FKBP15: variants seen among roughly 807,000 people sequenced by gnomAD.
The protein encoded by FKBP15 is FK506-binding protein 15.
FKBP15 carries 106 observed loss-of-function variants against 158.1 expected under a neutral mutation model. The ratio of observed to expected loss-of-function variants is 0.67; its 90% CI spans 0.57 to 0.79. FKBP15 has a LOEUF of 0.79. Ranked by LOEUF, FKBP15 falls within the 30% of genes least tolerant of loss-of-function variation. FKBP15 has a pLI of 0.00. For synonymous variants in FKBP15, 547 were observed against 548.6 expected (o/e 1.00, Z 0.04); for missense variants, 1,287 against 1,479.1 (o/e 0.87, Z 2.13).
intron 15 of FKBP15, among the ~76,000 whole-genome samples, chr9:113,185,057 T>C (rs934627693): frequency 1.3e-5 from 2 of 152,216 alleles, no homozygotes; most frequent in Admixed American, 1.3e-4. Context: ...AGGGCACAAA[T>C]ATGCCCACTT....
At chr9:113,170,438 AT>A in intron 25 of FKBP15, 83 bp downstream of exon 25, 2 of 1,043,390 alleles carry the variant, frequency 1.9e-6, no homozygotes, top group Non-Finnish European at 3.0e-6. Flanking sequence ...GCTTTGAACA[AT>A]TTTTTATTCA....
At position 113,198,242 on chromosome 9, in the gene FKBP15, AACTGTCTCACTTTTTCC is replaced by A. The variant is rs1266438836; in HGVS notation, c.717+596_717+612del. ...CCCTTTATGATAAGTTTCGAGAAGA[AACTGTCTCACTTTTTCC>A]CCTGTTAGGCTATAGGAAGGATGAA... On this transcript the variant is annotated intron_variant, in intron 8 of 27. Coordinates refer to ENST00000238256, the MANE Select transcript of FKBP15 (RefSeq NM_015258.2). The surrounding 1 kb of genome is among the most constrained non-coding windows in gnomAD (Gnocchi z 5.2). Among the ~76,000 whole-genome samples, 1 of 152,198 alleles carries A rather than the reference AACTGTCTCACTTTTTCC, an allele frequency of 6.6e-6. No individual in the cohort carries two copies. Among genetic ancestry groups the A allele is most frequent in the East Asian group, 1.9e-4 (1 of 5,198 alleles).
chr9:113,187,680 A>G, intron 14 of FKBP15, 113 bp downstream of exon 14: 1 of 852,034 alleles, frequency 1.2e-6, no homozygotes, highest in Non-Finnish European at 1.9e-6. Context: ...AAAAAATTAC[A>G]AACTCTGACT....
At chr9:113,202,468 TA>T in intron 6 of FKBP15, 62 bp downstream of exon 6, 1 of 1,287,810 alleles carries the variant, frequency 7.8e-7, no homozygotes, top group Non-Finnish European at 1.1e-6. Flanking sequence ...TATGTTTCCC[TA>T]AAATTAAGGG....
chr9:113,162,867 G>T lies in FKBP15; in HGVS notation c.*3211C>A. ...CTGGATTTTCCTTGGTGTGGTCTTG[G>T]GCTCTGCTGTGGGCTACTACCTAGC... is the stretch of plus-strand genomic sequence containing the variant. On this transcript the variant is annotated 3_prime_UTR_variant, in exon 28 of 28. Transcript: ENST00000238256. The T allele has an allele frequency of 6.2e-7, 1 of 1,613,358 alleles. No individual in the cohort carries two copies.
At chr9:113,192,384 T>G (rs1830589949) in intron 11 of FKBP15, among the ~76,000 whole-genome samples, 1 of 152,194 alleles carries the variant, frequency 6.6e-6, no homozygotes, top group African/African-American at 2.4e-5. Flanking sequence ...CCACAGGGCT[T>G]TAGAATTTGA....
In FKBP15 at chr9:113,162,544, G is replaced by A; in HGVS notation, c.*3534C>T. Reference sequence around the variant, plus strand: ...GAAGCTTGAAACCAAATGTAGTGAAGATATGTCTCTTTAAAAATAAATCTC... The same window carrying A: ...GAAGCTTGAAACCAAATGTAGTGAAAATATGTCTCTTTAAAAATAAATCTC... On this transcript the variant is annotated 3_prime_UTR_variant, in exon 28 of 28. Transcript: ENST00000238256. The A allele has an allele frequency of 2.3e-6, 1 of 433,942 alleles. No individual in the cohort carries two copies. The highest frequency in any genetic ancestry group is 3.9e-6 in the Non-Finnish European group (1 of 256,568). 26.9% of individuals were successfully genotyped at this position (433,942 alleles called of 1,614,324 possible). A position where few individuals can be genotyped will look rare whatever the true frequency, so the allele number is the denominator to read the frequency against.
chr9:113,173,312 A>G, intron 23 of FKBP15, 141 bp downstream of exon 23: 1 of 811,430 alleles, frequency 1.2e-6, no homozygotes, highest in Non-Finnish European at 1.8e-6. Context: ...GTGAAAGATA[A>G]CTGACAAGCT....
At chr9:113,186,448 G>A (rs1007192929) in intron 14 of FKBP15, 85 bp from the exon 15 acceptor site, 2 of 995,552 alleles carry the variant, frequency 2.0e-6, no homozygotes, top group African/African-American at 3.2e-5. Context: ...GGAATAAAGT[G>A]GATGAGCTGG....
Position 113,184,248 on chromosome 9 carries a change from G to T in FKBP15, c.1716+44C>A. 7.4e-7 allele frequency: 1 copy of T among 1,359,946 alleles called. No individual in the cohort carries two copies. The highest frequency in any genetic ancestry group is 2.4e-5 in the East Asian group (1 of 40,892). 84.2% of individuals were successfully genotyped at this position (1,359,946 alleles called of 1,614,324 possible). ...GTAGTACCTCTGAGAAGAGAGGATG[G>T]GTAAGACCTTCAGCCTGAGTGGTAT... On this transcript the variant is annotated intron_variant, in intron 17 of 27. Coordinates refer to ENST00000238256, the MANE Select transcript of FKBP15 (RefSeq NM_015258.2). The surrounding 1 kb of genome is among the most constrained non-coding windows in gnomAD (Gnocchi z 4.5).
rs117887392 is a variant in FKBP15, at chr9:113,189,179, T to A, written c.1174-688A>T. ...TCAAAGACCAAAGTTTCAGACATTCTTTTACTTTAGAACTTCACCTTGTCC... is the reference window on the plus strand; with the variant it reads ...TCAAAGACCAAAGTTTCAGACATTCATTTACTTTAGAACTTCACCTTGTCC... On this transcript the variant is annotated intron_variant, in intron 12 of 27. Coordinates refer to ENST00000238256, the MANE Select transcript of FKBP15 (RefSeq NM_015258.2). Among the ~76,000 whole-genome samples, 960 of 152,338 alleles carry A rather than the reference T, an allele frequency of 6.3e-3. 5 individuals are homozygous for A. Among genetic ancestry groups the A allele is most frequent in the Non-Finnish European group, 0.011 (761 of 68,024 alleles).
In FKBP15 at chr9:113,164,485, C is replaced by CAAAT. The variant is rs930861568; in HGVS notation, c.*1589_*1592dup. On this transcript the variant is annotated 3_prime_UTR_variant, in exon 28 of 28. Transcript: ENST00000238256. ...CATCTTCTCTCCCTGCGGGCAGAAG[C>CAAAT]AAATATAATAGCCACTAGTTAATTT... is the stretch of plus-strand genomic sequence containing the variant. The CAAAT allele has an allele frequency of 6.6e-6, 1 of 152,222 alleles. No individual in the cohort carries two copies. Among genetic ancestry groups the CAAAT allele is most frequent in the African/African-American group, 2.4e-5 (1 of 41,448 alleles). 9.4% of individuals were successfully genotyped at this position (152,222 alleles called of 1,614,324 possible). A position where few individuals can be genotyped will look rare whatever the true frequency, so the allele number is the denominator to read the frequency against.
chr9:113,210,332 C>CTTTTTTTTTT (rs35201179), intron 2 of FKBP15, among the ~76,000 whole-genome samples: 6 of 114,740 alleles, frequency 5.2e-5, no homozygotes, highest in Non-Finnish European at 8.6e-5. Context: ...GTTGTGATGG[C>CTTTTTTTTTT]TTTTTTTTTT....
chr9:113,188,444 G>A lies in FKBP15; in HGVS notation c.1221C>T (p.Ser407=), dbSNP rs748603405. ...QGGGQPVVTP[S]VQPSLHPAHP... is the part of the protein sequence containing the mutation. ...GGGCCGGATGAAGAGAGGGCTGGAC[G>A]GACGGAGTCACCACAGGCTGCCCAC... The change falls in exon 13 of 28, where the codon TCC becomes TCT. Residue 407 remains serine, a synonymous_variant. Transcript: ENST00000238256. 12 of 1,613,812 alleles carry A rather than the reference G, an allele frequency of 7.4e-6. No homozygotes were observed. The highest frequency in any genetic ancestry group is 5.5e-5 in the South Asian group (5 of 91,080).
In FKBP15 at chr9:113,202,630, C is replaced by T; in HGVS notation, c.400-1G>A. 1.9e-6 allele frequency: 3 copies of T among 1,558,798 alleles called. No homozygotes were observed. The highest frequency in any genetic ancestry group is 2.6e-6 in the Non-Finnish European group (3 of 1,148,774). On this transcript the variant is annotated splice_acceptor_variant, in intron 5 of 27. Coordinates refer to ENST00000238256, the MANE Select transcript of FKBP15 (RefSeq NM_015258.2). LOFTEE classifies it high-confidence loss of function. ...AGGTGCTATAGTTATTGGGCCGAACCTGGAGAAAGGAGAAATGTTAAATTC... is the reference window on the plus strand; with the variant it reads ...AGGTGCTATAGTTATTGGGCCGAACTTGGAGAAAGGAGAAATGTTAAATTC...
chr9:113,200,935 T>C (rs1403797299), intron 6 of FKBP15, among the ~76,000 whole-genome samples: 1 of 151,622 alleles, frequency 6.6e-6, no homozygotes, highest in African/African-American at 2.4e-5. Flanking sequence ...TCCCAGCTAC[T>C]TGGGAGGCTG....
At chr9:113,196,380 ACTTTT>A (rs67423028) in intron 9 of FKBP15, among the ~76,000 whole-genome samples, 27,851 of 127,268 alleles carry the variant, frequency 0.22, 2,695 homozygotes, top group Middle Eastern at 0.27. Context: ...TGAAGAAGTG[ACTTTT>A]TTTTTTTTTT....
At chr9:113,186,082 A>T (rs1035859030) in intron 15 of FKBP15, among the ~76,000 whole-genome samples, 167 bp downstream of exon 15, 1 of 152,246 alleles carries the variant, frequency 6.6e-6, no homozygotes, top group African/African-American at 2.4e-5. Flanking sequence ...TGAATTGCAC[A>T]TTTAAAATGA....
At chr9:113,197,369 T>C (rs1830706258) in intron 8 of FKBP15, among the ~76,000 whole-genome samples, 1 of 152,058 alleles carries the variant, frequency 6.6e-6, no homozygotes, top group South Asian at 2.1e-4. Flanking sequence ...AAAGCTATCA[T>C]TAAAAAGCAT....
Sources: allele counts gnomAD v4.1 joint callset (sites outside exome capture counted in the v4.1 genomes callset), GRCh38; gene constraint gnomAD v4.1.1; non-coding constraint Gnocchi (gnomAD v3.1); transcripts MANE v1.5; gene names NCBI Gene and HGNC (gene_info 2026-07-23, HGNC 2026-07-21).